MAGI2: variants seen among roughly 807,000 people sequenced by gnomAD.
MAGI2 encodes membrane-associated guanylate kinase, WW and PDZ domain-containing protein 2.
In MAGI2, 35 loss-of-function variants were observed where a neutral mutation model predicts 133.3. The ratio of observed to expected loss-of-function variants is 0.26; its 90% CI spans 0.20 to 0.35. The LOEUF is 0.35. MAGI2 is among the 10% of genes least tolerant of loss of function. The probability of loss-of-function intolerance (pLI) is 1.00; values close to 1 mark genes in which losing one functional copy is unlikely to be tolerated. For missense variants in MAGI2, 1,636 were observed against 1,863.4 expected, an observed-to-expected ratio of 0.88 and a Z score of 2.25; for synonymous variants, 729 against 710.6, an observed-to-expected ratio of 1.03 and a Z score of -0.41.
intron 2 of MAGI2, among the ~76,000 whole-genome samples, chr7:78,765,950 T>G (rs2151309050): frequency 6.6e-6 from 1 of 152,268 alleles, no homozygotes; most frequent in Admixed American, 6.5e-5. Context: ...TGTGCTAAGG[T>G]CCTGAGAGGG....
At chr7:78,335,260 C>T (rs558920153) in intron 9 of MAGI2, among the ~76,000 whole-genome samples, 8 of 152,246 alleles carry the variant, frequency 5.3e-5, no homozygotes, top group Non-Finnish European at 1.2e-4. Context: ...GCTAGGGATT[C>T]GGAAACATCT....
intron 1 of MAGI2, among the ~76,000 whole-genome samples, chr7:79,370,978 G>C (rs972904117): frequency 6.6e-5 from 10 of 151,936 alleles, no homozygotes; most frequent in African/African-American, 1.9e-4. Context: ...AGATAATATA[G>C]ATATCCTTGT....
At chr7:78,171,480 C>G (rs934111088) in intron 14 of MAGI2, among the ~76,000 whole-genome samples, 2 of 152,122 alleles carry the variant, frequency 1.3e-5, no homozygotes, top group Non-Finnish European at 2.9e-5. Context: ...TAACAAGCTC[C>G]CAGGAGTTGA....
chr7:78,270,829 G>T lies in MAGI2; in HGVS notation c.1409-14248C>A, dbSNP rs576659311. On this transcript the variant is annotated intron_variant, in intron 9 of 21. Coordinates refer to ENST00000354212, the MANE Select transcript of MAGI2 (RefSeq NM_012301.4). Reference sequence around the variant, plus strand: ...CAGAACTCTCTGCCTGAAATCAACAGAATGTCCATTCTTCTCAGCAACACG... The same window carrying T: ...CAGAACTCTCTGCCTGAAATCAACATAATGTCCATTCTTCTCAGCAACACG... 1.6e-4 allele frequency among the ~76,000 whole-genome samples: 25 copies of T among 152,206 alleles called. 1 individual carries two copies. The highest frequency in any genetic ancestry group is 5.1e-4 in the African/African-American group (21 of 41,542).
At chr7:78,158,465 G>C (rs569366038) in intron 16 of MAGI2, 1 of 152,124 alleles carries the variant, frequency 6.6e-6, no homozygotes, top group African/African-American at 2.4e-5. Flanking sequence ...TAGAACCTTA[G>C]AGCTGGAGGA....
At chr7:78,145,364 C>T (rs2150568034) in intron 16 of MAGI2, among the ~76,000 whole-genome samples, 1 of 151,936 alleles carries the variant, frequency 6.6e-6, no homozygotes, top group South Asian at 2.1e-4. Flanking sequence ...TGCAATGGTG[C>T]ATTTTGGTAT....
intron 6 of MAGI2, among the ~76,000 whole-genome samples, chr7:78,370,593 G>T (rs749236989): frequency 1.4e-5 from 2 of 141,430 alleles, no homozygotes; most frequent in African/African-American, 2.6e-5. Flanking sequence ...TATATTACCA[G>T]ATTTCTACCT....
At chr7:79,452,000 C>A (rs1354618590) in intron 1 of MAGI2, among the ~76,000 whole-genome samples, 1 of 152,196 alleles carries the variant, frequency 6.6e-6, no homozygotes, top group Non-Finnish European at 1.5e-5. Flanking sequence ...ACAGGGAGTT[C>A]TGGATGATTC....
At chr7:78,207,695 T>A (rs1787239616) in intron 10 of MAGI2, among the ~76,000 whole-genome samples, 1 of 152,150 alleles carries the variant, frequency 6.6e-6, no homozygotes, top group South Asian at 2.1e-4. Context: ...AAAGGGCAAT[T>A]TTTCCTAATG....
intron 3 of MAGI2, among the ~76,000 whole-genome samples, chr7:78,557,551 G>T (rs1799958917): frequency 6.6e-6 from 1 of 152,066 alleles, no homozygotes; most frequent in African/African-American, 2.4e-5. Flanking sequence ...AACACATATG[G>T]AGGCTCCCAG....
At chr7:79,281,753 T>C (rs1039625728) in intron 1 of MAGI2, among the ~76,000 whole-genome samples, 1 of 152,172 alleles carries the variant, frequency 6.6e-6, no homozygotes, top group Admixed American at 6.6e-5. Context: ...TTATCTTCAA[T>C]AGATCCATGG....
At chr7:78,034,896 G>C (rs1413028000) in intron 21 of MAGI2, 1 of 152,196 alleles carries the variant, frequency 6.6e-6, no homozygotes, top group Non-Finnish European at 1.5e-5. Flanking sequence ...ATATAATTCT[G>C]ACTTTCCTAC....
Position 78,269,555 on chromosome 7 carries a change from A to AT in MAGI2, c.1409-12975dup, listed in dbSNP as rs200068954. 7.2e-3 allele frequency among the ~76,000 whole-genome samples: 1,038 copies of AT among 144,034 alleles called. 27 individuals are homozygous for AT. Among genetic ancestry groups the AT allele is most frequent in the East Asian group, 0.063 (294 of 4,694 alleles). The allele number at this position is 144,034 out of a possible 152,430, so 94.5% of individuals were successfully genotyped here. ...ACCAGTGATGATGAGCTTTTTTTTC[A>AT]TGTTTGTTGGCTGCATAAATGTCTT... On this transcript the variant is annotated intron_variant, in intron 9 of 21. Transcript: ENST00000354212.
chr7:78,332,424 C>G (rs556215167), intron 9 of MAGI2, among the ~76,000 whole-genome samples: 1 of 152,186 alleles, frequency 6.6e-6, no homozygotes. Context: ...GTAGGCTGGG[C>G]GCAGTGGCTC....
chr7:78,740,110 G>A (rs761150644), intron 2 of MAGI2, among the ~76,000 whole-genome samples: 8 of 151,358 alleles, frequency 5.3e-5, no homozygotes, highest in Non-Finnish European at 1.2e-4. Flanking sequence ...GCAGTGAGCC[G>A]AGATCGCGCC....
At chr7:78,622,867 A>T (rs977246964) in intron 3 of MAGI2, among the ~76,000 whole-genome samples, 5 of 152,004 alleles carry the variant, frequency 3.3e-5, no homozygotes, top group African/African-American at 9.7e-5. Flanking sequence ...TACAATTGTC[A>T]AAGTCTTATA....
chr7:78,996,463 C>G (rs1806320763), intron 2 of MAGI2, among the ~76,000 whole-genome samples: 1 of 151,996 alleles, frequency 6.6e-6, no homozygotes, highest in Non-Finnish European at 1.5e-5. Flanking sequence ...ATGGTGAGAA[C>G]TTAGGGACAC....
rs1242148618 is a variant in MAGI2, at chr7:78,076,852, C to CAAAAA, written c.3706+2090_3706+2094dup. On this transcript the variant is annotated intron_variant, in intron 21 of 21. Coordinates refer to ENST00000354212, the MANE Select transcript of MAGI2 (RefSeq NM_012301.4). ...TGGGCGACAGAGCGAGACTCCGTCT[C>CAAAAA]AAAAAAAAAAAAAAAAAAAAAAAAA... 1.1e-3 allele frequency among the ~76,000 whole-genome samples: 46 copies of CAAAAA among 42,548 alleles called. 1 individual carries two copies. The highest frequency in any genetic ancestry group is 4.3e-3 in the African/African-American group (45 of 10,582). 27.9% of individuals were successfully genotyped at this position (42,548 alleles called of 152,430 possible).
intron 2 of MAGI2, among the ~76,000 whole-genome samples, chr7:78,948,060 T>TA (rs1324808238): frequency 2.6e-5 from 4 of 152,060 alleles, no homozygotes; most frequent in African/African-American, 9.7e-5. Flanking sequence ...TTCTAGCTTA[T>TA]ATTTCACTGA....
Sources: allele counts gnomAD v4.1 joint callset (sites outside exome capture counted in the v4.1 genomes callset), GRCh38; gene constraint gnomAD v4.1.1; transcripts MANE v1.5; gene names NCBI Gene and HGNC (gene_info 2026-07-23, HGNC 2026-07-21).